Variants in DLGAP2 observed in about 807,000 individuals in gnomAD.
DLGAP2 encodes the protein disks large-associated protein 2.
DLGAP2 carries 26 observed loss-of-function variants against 100.3 expected under a neutral mutation model. The ratio of observed to expected loss-of-function variants is 0.26; its 90% CI spans 0.19 to 0.36. The LOEUF (loss-of-function observed/expected upper bound fraction) is 0.36, where lower values mean the gene tolerates loss of function less well. Among genes scored for constraint, DLGAP2 ranks in the 10% least tolerant of loss-of-function variants. DLGAP2 has a pLI of 1.00. For missense variants in DLGAP2, 1,858 were observed against 1,453.2 expected (o/e 1.28, Z -4.53); for synonymous variants, 886 against 630.1 (o/e 1.41, Z -6.08).
At position 1,022,254 on chromosome 8, in the gene DLGAP2, C is replaced by T. The variant is rs539194338; in HGVS notation, c.73+114288C>T. Among the ~76,000 whole-genome samples the T allele has an allele frequency of 2.7e-3, 396 of 149,156 alleles. 1 individual carries two copies. The highest frequency in any genetic ancestry group is 7.1e-3 in the South Asian group (33 of 4,662). ...GCCGAGGTAGACACTCCAGCCGCCA[C>T]CCATCCTCCCTGGGAGTGGACACTC... is the stretch of plus-strand genomic sequence containing the variant. On this transcript the variant is annotated intron_variant, in intron 2 of 14. Transcript: ENST00000637795.
intron 3 of DLGAP2, among the ~76,000 whole-genome samples, chr8:1,428,807 T>A (rs1797314988): frequency 6.6e-6 from 1 of 152,186 alleles, no homozygotes; most frequent in Non-Finnish European, 1.5e-5. Context: ...CACACCCACA[T>A]GGGAGAGCCT....
chr8:1,002,941 T>G (rs886208678), intron 2 of DLGAP2: 7 of 152,192 alleles, frequency 4.6e-5, no homozygotes, highest in African/African-American at 1.4e-4. Flanking sequence ...AAATAAGAAG[T>G]GTCTGTGCCT....
intron 2 of DLGAP2, among the ~76,000 whole-genome samples, chr8:1,123,932 C>T (rs1293182586): frequency 6.6e-6 from 1 of 152,162 alleles, no homozygotes; most frequent in Non-Finnish European, 1.5e-5. Context: ...GTCTAATTGA[C>T]AGCATGCATT....
chr8:1,082,777 T>C (rs1803854358), intron 2 of DLGAP2, among the ~76,000 whole-genome samples: 1 of 152,178 alleles, frequency 6.6e-6, no homozygotes, highest in Non-Finnish European at 1.5e-5. Flanking sequence ...AAAACACTAC[T>C]TTGTGGAGAG....
chr8:1,431,492 A>G (rs1213955516), intron 3 of DLGAP2, among the ~76,000 whole-genome samples: 1 of 152,202 alleles, frequency 6.6e-6, no homozygotes, highest in African/African-American at 2.4e-5. Flanking sequence ...ACAGCAGCAG[A>G]AAGAAGAAGA....
Position 1,277,330 on chromosome 8 carries a change from C to A in DLGAP2, c.106+18447C>A, listed in dbSNP as rs574840802. ...CTGTATTTTTTTGTTGTTGCTATTT[C>A]AAATTAATCTAGGCAGCCTGTTTTT... On this transcript the variant is annotated intron_variant, in intron 3 of 14. Coordinates refer to ENST00000637795, the MANE Select transcript of DLGAP2 (RefSeq NM_001346810.2). Among the ~76,000 whole-genome samples, 17 of 152,184 alleles carry A rather than the reference C, an allele frequency of 1.1e-4. No individual in the cohort carries two copies. In the South Asian group the frequency reaches 3.5e-3, roughly 32 times the overall value.
chr8:1,094,134 A>G (rs1334979160), intron 2 of DLGAP2, among the ~76,000 whole-genome samples: 1 of 151,998 alleles, frequency 6.6e-6, no homozygotes, highest in Admixed American at 6.6e-5. Flanking sequence ...GGCAGGGGGC[A>G]GTTTGTGCTT....
At chr8:1,688,909 T>C (rs975958034) in intron 12 of DLGAP2, among the ~76,000 whole-genome samples, 17 of 152,318 alleles carry the variant, frequency 1.1e-4, no homozygotes, top group South Asian at 8.3e-4. Flanking sequence ...AACTGGCTCA[T>C]AGCATTTTAT....
intron 2 of DLGAP2, among the ~76,000 whole-genome samples, chr8:952,638 A>G (rs13253109): frequency 0.19 from 28,576 of 152,072 alleles, 2,927 homozygotes; most frequent in Non-Finnish European, 0.24. Flanking sequence ...CATGATCTCA[A>G]AAAAATAAAA....
intron 2 of DLGAP2, among the ~76,000 whole-genome samples, chr8:1,033,415 C>T (rs1802029323): frequency 6.6e-6 from 1 of 152,094 alleles, no homozygotes; most frequent in Non-Finnish European, 1.5e-5. Context: ...ACCTGTAATC[C>T]CAGCACTTTG....
chr8:1,549,794 C>A, intron 5 of DLGAP2, 111 bp downstream of exon 5: 1 of 1,181,922 alleles, frequency 8.5e-7, no homozygotes, highest in Non-Finnish European at 1.2e-6. Context: ...GGTTGTGCAA[C>A]AGGATGTTCT....
intron 3 of DLGAP2, among the ~76,000 whole-genome samples, chr8:1,325,744 G>T (rs1281122078): frequency 6.6e-6 from 1 of 152,148 alleles, no homozygotes; most frequent in Non-Finnish European, 1.5e-5. Flanking sequence ...AAAGAAAAAT[G>T]ACAGACTCAG....
intron 3 of DLGAP2, among the ~76,000 whole-genome samples, chr8:1,492,879 G>T (rs1405050048): frequency 6.6e-6 from 1 of 152,130 alleles, no homozygotes; most frequent in Non-Finnish European, 1.5e-5. Context: ...CTGAAAGACA[G>T]GCACCTCCAC....
chr8:1,554,566 A>T (rs1471487605), intron 5 of DLGAP2, among the ~76,000 whole-genome samples: 1 of 151,738 alleles, frequency 6.6e-6, no homozygotes, highest in South Asian at 2.1e-4. Flanking sequence ...TCTGCTGCCC[A>T]TCTGCCTCCT....
chr8:862,223 G>A (rs373614402), intron 1 of DLGAP2, among the ~76,000 whole-genome samples: 1 of 151,908 alleles, frequency 6.6e-6, no homozygotes, highest in Non-Finnish European at 1.5e-5. Context: ...AGATTCCCAC[G>A]TGTCCTGTGG....
chr8:792,307 C>G (rs922299164), intron 1 of DLGAP2, among the ~76,000 whole-genome samples: 2 of 151,970 alleles, frequency 1.3e-5, no homozygotes, highest in African/African-American at 4.8e-5. Context: ...AAATGACAAC[C>G]CAGGATTTTC....
chr8:1,414,407 C>G lies in DLGAP2; in HGVS notation c.107-86959C>G, dbSNP rs139272823. On this transcript the variant is annotated intron_variant, in intron 3 of 14. Coordinates refer to ENST00000637795, the MANE Select transcript of DLGAP2 (RefSeq NM_001346810.2). Reference sequence around the variant, plus strand: ...GAAATGCAAGGTCCGGGGTGTGAGTCAGGTCGTGACCCATGGAGCCGGTCA... The same window carrying G: ...GAAATGCAAGGTCCGGGGTGTGAGTGAGGTCGTGACCCATGGAGCCGGTCA... Among the ~76,000 whole-genome samples the G allele has an allele frequency of 1.0e-3, 159 of 152,298 alleles. 2 individuals are homozygous for G. The highest frequency in any genetic ancestry group is 3.6e-3 in the African/African-American group (149 of 41,566).
intron 4 of DLGAP2, among the ~76,000 whole-genome samples, chr8:1,510,312 G>C (rs1800115447): frequency 1.3e-5 from 2 of 152,234 alleles, no homozygotes; most frequent in South Asian, 4.1e-4. Context: ...CATAGGAAGT[G>C]AAGGTCCGCT....
chr8:1,365,050 C>T (rs183704913), intron 3 of DLGAP2, among the ~76,000 whole-genome samples: 8 of 152,300 alleles, frequency 5.3e-5, no homozygotes, highest in South Asian at 2.1e-4. Flanking sequence ...AGAAGATTTA[C>T]GACTGAGATG....
Sources: allele counts gnomAD v4.1 joint callset (sites outside exome capture counted in the v4.1 genomes callset), GRCh38; gene constraint gnomAD v4.1.1; transcripts MANE v1.5; gene names NCBI Gene and HGNC (gene_info 2026-07-23, HGNC 2026-07-21).